Variants in NIT1 observed in about 807,000 individuals in gnomAD.
The protein encoded by NIT1 is deaminated glutathione amidase.
Under a neutral mutation model 36.8 loss-of-function variants are expected in NIT1, and 30 were observed. The ratio of observed to expected loss-of-function variants is 0.82; its 90% CI spans 0.61 to 1.11. The LOEUF (loss-of-function observed/expected upper bound fraction) is 1.11, where lower values mean the gene tolerates loss of function less well. Among genes scored for constraint, NIT1 ranks in the 50% least tolerant of loss-of-function variants. The pLI is 0.00. For synonymous variants in NIT1, 151 were observed against 155.6 expected, an observed-to-expected ratio of 0.97 and a Z score of 0.22; for missense variants, 438 against 410.6, an observed-to-expected ratio of 1.07 and a Z score of -0.58.
rs1476690914 is a variant in NIT1, at chr1:161,121,032, A to C, written c.*267A>C. The C allele has an allele frequency of 7.5e-7, 1 of 1,339,748 alleles. No individual in the cohort carries two copies. Among genetic ancestry groups the C allele is most frequent in the African/African-American group, 1.5e-5 (1 of 67,838 alleles). The allele number at this position is 1,339,748 out of a possible 1,614,324, so 83.0% of individuals were successfully genotyped here. A position where few individuals can be genotyped will look rare whatever the true frequency, so the allele number is the denominator to read the frequency against. On this transcript the variant is annotated 3_prime_UTR_variant, in exon 7 of 7. Transcript: ENST00000368009. ...ACTGAAGTTCTGCTGAGGGCTGAGC[A>C]GCACTGGCATTGAAAAATATAATAA...
At position 161,120,852 on chromosome 1, in the gene NIT1, C is replaced by T; in HGVS notation, c.*87C>T. On this transcript the variant is annotated 3_prime_UTR_variant, in exon 7 of 7. Transcript: ENST00000368009. Reference sequence around the variant, plus strand: ...TGCTCATGTGACTTGGAGGCAGGATCCAGGCACAGCTCCCCTCACTTGGAG... The same window carrying T: ...TGCTCATGTGACTTGGAGGCAGGATTCAGGCACAGCTCCCCTCACTTGGAG... 1.3e-6 allele frequency: 2 copies of T among 1,520,956 alleles called. No individual in the cohort carries two copies. Among genetic ancestry groups the T allele is most frequent in the Non-Finnish European group, 1.8e-6 (2 of 1,138,630 alleles). The allele number at this position is 1,520,956 out of a possible 1,614,324, so 94.2% of individuals were successfully genotyped here.
chr1:161,119,993 T>A, intron 5 of NIT1, 41 bp downstream of exon 5: 1 of 1,604,132 alleles, frequency 6.2e-7, no homozygotes, highest in Non-Finnish European at 8.5e-7. Flanking sequence ...ACAGGAATAC[T>A]TTGAACTGGC....
intron 1 of NIT1, 148 bp from the exon 2 acceptor site, chr1:161,118,638 A>G (rs752142324): frequency 1.6e-5 from 25 of 1,522,190 alleles, no homozygotes; most frequent in Admixed American, 7.9e-5. Flanking sequence ...CCCTTAGCCT[A>G]TAATTTCTTA....
rs148079618 is a variant in NIT1, at chr1:161,120,113, C to A, written c.598C>A (p.Leu200Ile). 5.0e-6 allele frequency: 8 copies of A among 1,613,998 alleles called. No homozygotes were observed. In the African/African-American group the frequency reaches 9.3e-5, roughly 19 times the overall value. The change falls in exon 6 of 7, where the codon CTA (leucine) becomes ATA (isoleucine). Residue 200 changes from leucine to isoleucine, a missense_variant. Leu to Ile is a conservative substitution (Grantham distance 5). Coordinates refer to ENST00000368009, the MANE Select transcript of NIT1 (RefSeq NM_005600.3). Reference protein sequence around the residue: ...PVSTPAGKIGLAVCYDMRFPE... With the variant: ...PVSTPAGKIGIAVCYDMRFPE... ...AGGCTGTTTTTCATTCCAGATTGGT[C>A]TAGCTGTCTGCTATGACATGCGGTT...
intron 4 of NIT1, 44 bp from the exon 5 acceptor site, chr1:161,119,775 G>T (rs1655237440): frequency 1.3e-6 from 2 of 1,575,198 alleles, no homozygotes; most frequent in Non-Finnish European, 1.7e-6. Flanking sequence ...AGTAAGCAAG[G>T]CTTCTAGAAC....
rs1655320959 is a variant in NIT1, at chr1:161,120,361, G to A, written c.717+129G>A. ...CTCATTCCCCAGATATTTCTCTCAT[G>A]AATAGTTAAAATAGTAAATCATTCC... is the stretch of plus-strand genomic sequence containing the variant. On this transcript the variant is annotated intron_variant, in intron 6 of 6. Coordinates refer to ENST00000368009, the MANE Select transcript of NIT1 (RefSeq NM_005600.3). The A allele has an allele frequency of 2.7e-6, 4 of 1,462,156 alleles. No individual in the cohort carries two copies. The African/African-American group carries it at 5.6e-5, about 21-fold the overall frequency. 90.6% of individuals were successfully genotyped at this position (1,462,156 alleles called of 1,614,324 possible). A position where few individuals can be genotyped will look rare whatever the true frequency, so the allele number is the denominator to read the frequency against.
At chr1:161,119,776 C>T in intron 4 of NIT1, 43 bp from the exon 5 acceptor site, 2 of 1,576,192 alleles carry the variant, frequency 1.3e-6, no homozygotes, top group Middle Eastern at 3.6e-4. Context: ...GTAAGCAAGG[C>T]TTCTAGAACA....
chr1:161,122,601 A>G, downstream of NIT1: 1 of 1,524,346 alleles, frequency 6.6e-7, no homozygotes, highest in Non-Finnish European at 8.8e-7. The surrounding 1 kb of genome is among the most constrained non-coding windows in gnomAD (Gnocchi z 4.2). Flanking sequence ...AAAACTGAAA[A>G]GCACAACAGA....
Position 161,119,496 on chromosome 1 carries a change from C to G in NIT1, c.354-13C>G, listed in dbSNP as rs781542577. On this transcript the variant is annotated splice_polypyrimidine_tract_variant and intron_variant, in intron 3 of 6. Transcript: ENST00000368009. The stretch of plus-strand genomic sequence containing the variant: ...GAAGTCAGTGAAGAGTTGTCAGTGT[C>G]CCTTCCCCCCAGGGAATGTGGACTC... The G allele has an allele frequency of 6.2e-7, 1 of 1,613,740 alleles. No homozygotes were observed. Among genetic ancestry groups the G allele is most frequent in the East Asian group, 2.2e-5 (1 of 44,886 alleles).
rs755673558 is a variant in NIT1, at chr1:161,118,770, A to C, written c.3-16A>C. On this transcript the variant is annotated splice_polypyrimidine_tract_variant and intron_variant, in intron 1 of 6. Transcript: ENST00000368009. Reference sequence around the variant, plus strand: ...TTGAAGAAGGGGTTGGTGTCCTCATATCTCACCTTCCTCAGGCTGGGCTTC... The same window carrying C: ...TTGAAGAAGGGGTTGGTGTCCTCATCTCTCACCTTCCTCAGGCTGGGCTTC... The C allele has an allele frequency of 5.0e-6, 8 of 1,594,960 alleles. No homozygotes were observed. The Admixed American group carries it at 1.2e-4, about 23-fold the overall frequency.
chr1:161,118,914 C>T lies in NIT1; in HGVS notation c.98+33C>T, dbSNP rs1655109498. ...GTTTTGTTGTGTCCTCAGTGCCTGGCACTTAGATGCTCAGTTTGTTAAATG... is the reference window on the plus strand; with the variant it reads ...GTTTTGTTGTGTCCTCAGTGCCTGGTACTTAGATGCTCAGTTTGTTAAATG... On this transcript the variant is annotated intron_variant, in intron 2 of 6. Transcript: ENST00000368009. The T allele has an allele frequency of 6.7e-7, 1 of 1,499,966 alleles. No individual in the cohort carries two copies. The highest frequency in any genetic ancestry group is 2.3e-5 in the East Asian group (1 of 44,330). 92.9% of individuals were successfully genotyped at this position (1,499,966 alleles called of 1,614,324 possible).
At chr1:161,123,120 G>A (rs374707294), downstream of NIT1, 45 of 1,614,174 alleles carry the variant, frequency 2.8e-5, no homozygotes, top group African/African-American at 4.1e-4. Context: ...GACTTCCGGC[G>A]TTTTCGCTGG....
chr1:161,120,113 C>G lies in NIT1; in HGVS notation c.598C>G (p.Leu200Val), dbSNP rs148079618. The stretch of plus-strand genomic sequence containing the variant: ...AGGCTGTTTTTCATTCCAGATTGGT[C>G]TAGCTGTCTGCTATGACATGCGGTT... ...PVSTPAGKIG[L>V]AVCYDMRFPE... The change falls in exon 6 of 7, where the codon CTA becomes GTA. Residue 200 changes from leucine to valine, a missense_variant. Physicochemically the swap from Leu to Val is conservative, Grantham distance 32 (BLOSUM62 1). Coordinates refer to ENST00000368009, the MANE Select transcript of NIT1 (RefSeq NM_005600.3). 2 of 1,613,998 alleles carry G rather than the reference C, an allele frequency of 1.2e-6. No homozygotes were observed. The highest frequency in any genetic ancestry group is 1.7e-5 in the Admixed American group (1 of 60,000).
downstream of NIT1, chr1:161,123,151 T>C (rs775139574): frequency 6.2e-7 from 1 of 1,614,152 alleles, no homozygotes; most frequent in Non-Finnish European, 8.5e-7. Flanking sequence ...TGGCTCTCCC[T>C]CGGGCTGGCC....
chr1:161,118,131 A>C lies in NIT1; in HGVS notation c.-46A>C, dbSNP rs761419606. The C allele has an allele frequency of 1.9e-6, 3 of 1,613,696 alleles. No individual in the cohort carries two copies. Among genetic ancestry groups the C allele is most frequent in the Non-Finnish European group, 2.5e-6 (3 of 1,179,868 alleles). On this transcript the variant is annotated 5_prime_UTR_variant, in exon 1 of 7. Coordinates refer to ENST00000368009, the MANE Select transcript of NIT1 (RefSeq NM_005600.3). ...CTCGCTGCGGCGCTTCTGGCTCCAG[A>C]CCGCCCTCCGGATCGGACCCTGCGA...
chr1:161,118,616 G>A, intron 1 of NIT1, 170 bp from the exon 2 acceptor site: 1 of 1,531,620 alleles, frequency 6.5e-7, no homozygotes, highest in South Asian at 1.2e-5. Context: ...TCTTCCCACT[G>A]TATGGTCTTG....
chr1:161,124,672 T>TA, downstream of NIT1: 1 of 1,107,462 alleles, frequency 9.0e-7, no homozygotes, highest in Non-Finnish European at 1.2e-6. Flanking sequence ...TGTTTAAAAA[T>TA]AAACACTGGC....
chr1:161,120,050 T>C (rs1294255664), intron 5 of NIT1, 57 bp from the exon 6 acceptor site: 1 of 1,611,330 alleles, frequency 6.2e-7, no homozygotes, highest in African/African-American at 1.3e-5. Context: ...GAAATATGAC[T>C]AGATGCTGTG....
At chr1:161,118,673 T>C in intron 1 of NIT1, 113 bp from the exon 2 acceptor site, 1 of 1,480,366 alleles carries the variant, frequency 6.8e-7, no homozygotes, top group Non-Finnish European at 9.3e-7. Context: ...AAGACTAGGT[T>C]TTTACTGGCA....
Sources: allele counts gnomAD v4.1 joint callset, GRCh38; gene constraint gnomAD v4.1.1; non-coding constraint Gnocchi (gnomAD v3.1); transcripts MANE v1.5; gene names NCBI Gene and HGNC (gene_info 2026-07-23, HGNC 2026-07-21).